Variants in ADGRL3 observed in about 807,000 individuals in gnomAD.
ADGRL3 encodes adhesion G protein-coupled receptor L3.
In ADGRL3, 62 loss-of-function variants were observed where a neutral mutation model predicts 153.5. That is an observed-to-expected ratio of 0.40 (90% confidence interval 0.33 to 0.50). The LOEUF is 0.50. Ranked by LOEUF, ADGRL3 falls within the 20% of genes least tolerant of loss-of-function variation. The pLI is 0.47. For synonymous variants in ADGRL3, 710 were observed against 672.5 expected, an observed-to-expected ratio of 1.06 and a Z score of -0.86; for missense variants, 1,641 against 1,859.4, an observed-to-expected ratio of 0.88 and a Z score of 2.16.
intron 2 of ADGRL3, among the ~76,000 whole-genome samples, chr4:61,403,466 T>C (rs2096955608): frequency 6.6e-6 from 1 of 151,922 alleles, no homozygotes; most frequent in Admixed American, 6.6e-5. Context: ...TGGGTTGGTA[T>C]GCAGTGGAGG....
chr4:61,352,510 G>A (rs899974485), intron 1 of ADGRL3, among the ~76,000 whole-genome samples: 5 of 151,384 alleles, frequency 3.3e-5, no homozygotes, highest in South Asian at 2.1e-4. Context: ...TCAGCCTCCC[G>A]AGTAGCTGGG....
intron 5 of ADGRL3, among the ~76,000 whole-genome samples, chr4:61,638,517 CATTT>C (rs978966054): frequency 3.3e-5 from 5 of 152,020 alleles, no homozygotes; most frequent in African/African-American, 4.8e-5. Flanking sequence ...AAAAAAGAAA[CATTT>C]AGTTATTCTG....
intron 5 of ADGRL3, among the ~76,000 whole-genome samples, chr4:61,621,322 A>T (rs2092495739): frequency 6.6e-6 from 1 of 152,114 alleles, no homozygotes; most frequent in African/African-American, 2.4e-5. Context: ...CTTGATTTTA[A>T]GCAGCAACAA....
intron 21 of ADGRL3, among the ~76,000 whole-genome samples, chr4:62,013,125 G>T (rs1458568830): frequency 6.6e-6 from 1 of 152,172 alleles, no homozygotes; most frequent in African/African-American, 2.4e-5. Context: ...AGCTGAGGGA[G>T]TTGTGATGGG....
At chr4:61,269,550 T>C (rs901894522) in intron 1 of ADGRL3, among the ~76,000 whole-genome samples, 1 of 151,694 alleles carries the variant, frequency 6.6e-6, no homozygotes, top group African/African-American at 2.4e-5. Flanking sequence ...GATTTGTGAT[T>C]TTTTTGGAAA....
chr4:61,419,791 T>A (rs1220070719), intron 2 of ADGRL3, among the ~76,000 whole-genome samples: 1 of 151,262 alleles, frequency 6.6e-6, no homozygotes, highest in East Asian at 2.0e-4. Flanking sequence ...TTTAAACATA[T>A]TTAGATTTTT....
intron 1 of ADGRL3, among the ~76,000 whole-genome samples, chr4:61,342,276 C>T (rs538297149): frequency 6.6e-6 from 1 of 152,226 alleles, no homozygotes; most frequent in South Asian, 2.1e-4. Context: ...CCTCTTGAGT[C>T]TGACAGTTGA....
chr4:61,655,441 C>T (rs1250263304), intron 5 of ADGRL3, among the ~76,000 whole-genome samples: 6 of 151,754 alleles, frequency 4.0e-5, no homozygotes, highest in Non-Finnish European at 5.9e-5. Context: ...TTTTCTTTAA[C>T]AGTAATGTTT....
intron 6 of ADGRL3, among the ~76,000 whole-genome samples, chr4:61,692,533 C>G (rs2095558930): frequency 6.6e-6 from 1 of 151,176 alleles, no homozygotes; most frequent in Non-Finnish European, 1.5e-5. Context: ...ACTTCCACCT[C>G]TCAGGTTCAG....
chr4:61,733,406 G>T lies in ADGRL3; in HGVS notation c.1251G>T (p.Lys417Asn), dbSNP rs553955973. 12 of 1,613,738 alleles carry T rather than the reference G, an allele frequency of 7.4e-6. No homozygotes were observed. The Admixed American group carries it at 1.8e-4, about 25-fold the overall frequency. ...IDYIYNTDQS[K>N]DSLVDVPFPN... ...ACATTTACAACACTGACCAAAGCAA[G>T]GATAGTTTGGTGGATGTACCCTTTC... The change falls in exon 8 of 27, where the codon AAG becomes AAT. Residue 417 changes from lysine (K) to asparagine (N), a missense_variant. By Grantham distance (94) the Lys-to-Asn change is moderately conservative. Around this residue, in one of 5 missense-constraint regions of ADGRL3, gnomAD observed 734 missense variants for 797.0 expected, o/e 0.92. Transcript: ENST00000683033.
At chr4:61,677,467 G>A (rs2095232915) in intron 6 of ADGRL3, 1 of 278,780 alleles carries the variant, frequency 3.6e-6, no homozygotes, top group South Asian at 3.4e-5. Flanking sequence ...GCTTCAAGAA[G>A]TATGTCTTTG....
At chr4:62,006,032 A>ATATATATATATATAT (rs1203029363) in intron 21 of ADGRL3, among the ~76,000 whole-genome samples, 2 of 73,084 alleles carry the variant, frequency 2.7e-5, no homozygotes, top group East Asian at 8.1e-4. Context: ...ATATATATAT[A>ATATATATATATATAT]TTTTTTTTTT....
chr4:61,958,421 CTTTA>C (rs2098976100), intron 17 of ADGRL3, among the ~76,000 whole-genome samples: 1 of 147,890 alleles, frequency 6.8e-6, no homozygotes, highest in Non-Finnish European at 1.5e-5. Context: ...TTCTTTCTTT[CTTTA>C]TTAGAAACCA....
intron 9 of ADGRL3, among the ~76,000 whole-genome samples, chr4:61,847,102 A>G (rs1561349435): frequency 6.6e-6 from 1 of 151,996 alleles, no homozygotes; most frequent in East Asian, 1.9e-4. Context: ...ACAAATATCC[A>G]AAGTATATCA....
chr4:61,696,670 C>CTTTTTTTT (rs34306284), intron 6 of ADGRL3, among the ~76,000 whole-genome samples: 33 of 102,016 alleles, frequency 3.2e-4, no homozygotes, highest in East Asian at 6.9e-4. Context: ...TTTTTTTAAC[C>CTTTTTTTT]TTTTTTTTTT....
intron 9 of ADGRL3, among the ~76,000 whole-genome samples, chr4:61,857,666 TCTTCCTTTCTTTCTTC>T (rs2098291617): frequency 1.3e-5 from 2 of 151,814 alleles, no homozygotes; most frequent in Admixed American, 1.3e-4. Flanking sequence ...CTTCCTTCTT[TCTTCCTTTCTTTCTTC>T]CTTCCTTTCT....
At chr4:61,354,656 A>C (rs1226325818) in intron 1 of ADGRL3, among the ~76,000 whole-genome samples, 2 of 151,904 alleles carry the variant, frequency 1.3e-5, no homozygotes, top group Non-Finnish European at 2.9e-5. Flanking sequence ...AGATACATAA[A>C]ATTTTCAAAA....
At chr4:61,555,524 A>G (rs915196877) in intron 4 of ADGRL3, among the ~76,000 whole-genome samples, 2 of 152,176 alleles carry the variant, frequency 1.3e-5, no homozygotes, top group East Asian at 3.9e-4. Flanking sequence ...CTGAGAACAC[A>G]GCAGCCAGAT....
chr4:61,418,712 T>C (rs1244275797), intron 2 of ADGRL3, among the ~76,000 whole-genome samples: 1 of 150,828 alleles, frequency 6.6e-6, no homozygotes, highest in Non-Finnish European at 1.5e-5. Context: ...TGTTCATTTT[T>C]AAATAAAATG....
Sources: gnomAD v4.1 joint callset for allele counts (sites outside exome capture counted in the v4.1 genomes callset) on GRCh38, gnomAD v4.1.1 for gene constraint, gnomAD v4.1.1 regional missense constraint, MANE v1.5 for transcripts, NCBI Gene and HGNC (gene_info 2026-07-23, HGNC 2026-07-21) for gene names.